The following ACSM2A variants were observed in gnomAD, a reference collection of about 807,000 sequenced individuals.
ACSM2A encodes acyl-CoA synthetase medium chain family member 2A.
In ACSM2A, 72 loss-of-function variants were observed where a neutral mutation model predicts 76.6. That is an observed-to-expected ratio of 0.94 (90% CI 0.78 to 1.14). The LOEUF is 1.14. ACSM2A is among the 50% of genes most tolerant of loss of function. The probability of loss-of-function intolerance (pLI) is 0.00; values close to 1 mark genes in which losing one functional copy is unlikely to be tolerated. For synonymous variants in ACSM2A, 249 were observed against 255.9 expected (o/e 0.97, Z 0.26); for missense variants, 684 against 708.5 (o/e 0.97, Z 0.39).
chr16:20,458,905 CATATATATATATATATAT>C (rs72108144), intron 1 of ACSM2A, among the ~76,000 whole-genome samples: 2 of 74,872 alleles, frequency 2.7e-5, no homozygotes, highest in African/African-American at 1.2e-4. Context: ...TATATATATG[CATATATATATATATATAT>C]ATATATATAC....
intron 13 of ACSM2A, among the ~76,000 whole-genome samples, chr16:20,485,291 C>A (rs554269077): frequency 6.6e-6 from 1 of 152,290 alleles, no homozygotes; most frequent in South Asian, 2.1e-4. Flanking sequence ...TCAAATATCT[C>A]AATAGATGTG....
intron 1 of ACSM2A, among the ~76,000 whole-genome samples, chr16:20,459,167 A>C (rs2012447958): frequency 6.6e-6 from 1 of 151,928 alleles, no homozygotes; most frequent in Non-Finnish European, 1.5e-5. Context: ...GAAGGAGGTG[A>C]GGAATAAAAG....
chr16:20,474,964 A>T (rs751569109), intron 6 of ACSM2A, among the ~76,000 whole-genome samples: 5 of 152,214 alleles, frequency 3.3e-5, no homozygotes, highest in Non-Finnish European at 7.3e-5. Flanking sequence ...TCTATTATAA[A>T]GCTGGCTACA....
At chr16:20,468,809 G>T (rs924006718) in intron 3 of ACSM2A, among the ~76,000 whole-genome samples, 3 of 152,174 alleles carry the variant, frequency 2.0e-5, no homozygotes, top group African/African-American at 7.2e-5. Flanking sequence ...AAGATAAATT[G>T]TACAGCATGC....
chr16:20,458,892 T>TTATATATATATGCATATATATATA (rs1351766253), intron 1 of ACSM2A, among the ~76,000 whole-genome samples: 54 of 111,166 alleles, frequency 4.9e-4, no homozygotes, highest in Middle Eastern at 4.5e-3. Context: ...ATAGTATATA[T>TTATATATATATGCATATATATATA]TATATATATA....
chr16:20,465,127 C>G (rs931976291), intron 2 of ACSM2A, among the ~76,000 whole-genome samples: 1 of 152,046 alleles, frequency 6.6e-6, no homozygotes, highest in Non-Finnish European at 1.5e-5. Context: ...CAATGTTTTT[C>G]TACTAAGACG....
Position 20,477,337 on chromosome 16 carries a change from A to C in ACSM2A, c.1099-32A>C, listed in dbSNP as rs2013805107. On this transcript the variant is annotated intron_variant, in intron 8 of 13. Transcript: ENST00000573854. ...TTCTGTGACCTTGTACCTCCTCCTG[A>C]GGTTTGCTGATCTGTCTGCTTCTTT... The C allele has an allele frequency of 3.2e-6, 5 of 1,583,398 alleles. No individual in the cohort carries two copies. The East Asian group carries it at 1.1e-4, about 36-fold the overall frequency.
Position 20,465,498 on chromosome 16 carries a change from A to G in ACSM2A, c.178-19A>G, listed in dbSNP as rs760021034. 1.9e-6 allele frequency: 3 copies of G among 1,613,220 alleles called. No individual in the cohort carries two copies. Among genetic ancestry groups the G allele is most frequent in the Non-Finnish European group, 2.5e-6 (3 of 1,179,300 alleles). ...TGTGTACCAATGCCCCCTGATCAAC[A>G]GGGCTTCTCTTTCCTCAGGCTGGCA... On this transcript the variant is annotated intron_variant, in intron 2 of 13. Coordinates refer to ENST00000573854, the MANE Select transcript of ACSM2A (RefSeq NM_001308172.2).
chr16:20,483,119 C>G lies in ACSM2A; in HGVS notation c.1571C>G (p.Thr524Ser). 2 of 1,614,094 alleles carry G rather than the reference C, an allele frequency of 1.2e-6. No homozygotes were observed. The highest frequency in any genetic ancestry group is 1.1e-5 in the South Asian group (1 of 91,068). ...CTGTCCCATGACCCAGAACAGCTCA[C>G]CAAGGAGCTGCAGCAGCATGTGAAG... Reference protein sequence around the residue: ...QFLSHDPEQLTKELQQHVKSV... With the variant: ...QFLSHDPEQLSKELQQHVKSV... The change falls in exon 13 of 14, where the codon ACC (threonine) becomes AGC (serine). Residue 524 changes from threonine to serine, a missense_variant. Physicochemically the swap from Thr to Ser is moderately conservative, Grantham distance 58. Around this residue, in one of 3 missense-constraint regions of ACSM2A, gnomAD observed 159 missense variants for 132.5 expected, o/e 1.20. Coordinates refer to ENST00000573854, the MANE Select transcript of ACSM2A (RefSeq NM_001308172.2).
chr16:20,485,134 G>A (rs888264873), intron 13 of ACSM2A, among the ~76,000 whole-genome samples: 12 of 152,164 alleles, frequency 7.9e-5, no homozygotes, highest in Admixed American at 6.5e-5. Flanking sequence ...TTAGAAGAGT[G>A]ACTGGCACAT....
intron 12 of ACSM2A, 42 bp from the exon 13 acceptor site, chr16:20,483,016 C>T: frequency 1.2e-6 from 2 of 1,607,982 alleles, no homozygotes; most frequent in Non-Finnish European, 1.7e-6. Context: ...GAGATGACTA[C>T]ACACTCTAAT....
intron 6 of ACSM2A, among the ~76,000 whole-genome samples, chr16:20,473,223 G>A (rs1454143222): frequency 2.0e-5 from 3 of 152,142 alleles, no homozygotes; most frequent in African/African-American, 7.2e-5. Flanking sequence ...GTGTGATCTG[G>A]ATTTTCATAG....
chr16:20,459,137 G>A (rs1278386666), intron 1 of ACSM2A, among the ~76,000 whole-genome samples: 1 of 151,734 alleles, frequency 6.6e-6, no homozygotes, highest in Non-Finnish European at 1.5e-5. Context: ...TAAACTTTGA[G>A]GACTTGGGGG....
At chr16:20,458,918 A>ATATATATAGTG (rs2012418620) in intron 1 of ACSM2A, among the ~76,000 whole-genome samples, 1 of 63,692 alleles carries the variant, frequency 1.6e-5, no homozygotes, top group South Asian at 5.5e-4. Flanking sequence ...ATATATATAT[A>ATATATATAGTG]TATATATATA....
intron 12 of ACSM2A, chr16:20,482,804 G>A: frequency 2.8e-6 from 1 of 352,394 alleles, no homozygotes; most frequent in Non-Finnish European, 5.2e-6. Context: ...CTCCTTATCT[G>A]TCTCTATTGT....
chr16:20,462,862 AT>A (rs2012714299), intron 2 of ACSM2A, among the ~76,000 whole-genome samples: 1 of 152,104 alleles, frequency 6.6e-6, no homozygotes, highest in Non-Finnish European at 1.5e-5. Context: ...TCTGAGGAAT[AT>A]GTGTACACTC....
intron 1 of ACSM2A, among the ~76,000 whole-genome samples, chr16:20,458,912 A>ATATATG (rs1555497730): frequency 6.8e-5 from 4 of 59,174 alleles, no homozygotes; most frequent in East Asian, 3.4e-3. Context: ...ATGCATATAT[A>ATATATG]TATATATATA....
intron 6 of ACSM2A, chr16:20,473,988 C>T (rs2013573807): frequency 2.2e-6 from 1 of 445,070 alleles, no homozygotes. Context: ...AATTGTCAAC[C>T]AGAAAAATTT....
chr16:20,455,124 A>C (rs1230899695), intron 1 of ACSM2A, among the ~76,000 whole-genome samples: 3 of 149,650 alleles, frequency 2.0e-5, no homozygotes, highest in Admixed American at 6.7e-5. Context: ...TCAATGAACA[A>C]AGCCTCCAAG....
Sources: gnomAD v4.1 joint callset for allele counts (sites outside exome capture counted in the v4.1 genomes callset) on GRCh38, gnomAD v4.1.1 for gene constraint, gnomAD v4.1.1 regional missense constraint, MANE v1.5 for transcripts, NCBI Gene and HGNC (gene_info 2026-07-23, HGNC 2026-07-21) for gene names.